CNTNAP2: variants seen among roughly 807,000 people sequenced by gnomAD.
CNTNAP2 encodes the protein contactin associated protein 2.
In CNTNAP2, 98 loss-of-function variants were observed where a neutral mutation model predicts 155.2. The observed-to-expected ratio is 0.63, with a 90% confidence interval of 0.54 to 0.75. CNTNAP2 has a LOEUF of 0.75. Ranked by LOEUF, CNTNAP2 falls within the 30% of genes least tolerant of loss-of-function variation. The pLI, the probability that CNTNAP2 is intolerant of heterozygous loss-of-function variation, is 0.00. For missense variants in CNTNAP2, 1,727 were observed against 1,688.1 expected, an observed-to-expected ratio of 1.02 and a Z score of -0.40; for synonymous variants, 651 against 631.2, an observed-to-expected ratio of 1.03 and a Z score of -0.47.
At chr7:147,910,619 G>A (rs367966115) in intron 14 of CNTNAP2, among the ~76,000 whole-genome samples, 65 of 152,272 alleles carry the variant, frequency 4.3e-4, no homozygotes, top group African/African-American at 1.4e-3. Flanking sequence ...CATGGATGGG[G>A]AGGCCTCACA....
At chr7:146,301,933 C>T (rs141134190) in intron 1 of CNTNAP2, among the ~76,000 whole-genome samples, 168 of 152,230 alleles carry the variant, frequency 1.1e-3, no homozygotes, top group African/African-American at 3.9e-3. Context: ...CCTCCCTCCT[C>T]ATTTCCAAAA....
At position 147,822,370 on chromosome 7, in the gene CNTNAP2, A is replaced by C. The variant is rs182013838; in HGVS notation, c.2099-81195A>C. ...GCAAATACATATCAAAAATTCTTAC[A>C]TGAAAAGCTCCTTTATAACAAGATG... On this transcript the variant is annotated intron_variant, in intron 13 of 23. Coordinates refer to ENST00000361727, the MANE Select transcript of CNTNAP2 (RefSeq NM_014141.6). 2.0e-5 allele frequency among the ~76,000 whole-genome samples: 3 copies of C among 152,296 alleles called. No homozygotes were observed. In the East Asian group the frequency reaches 5.8e-4, roughly 29 times the overall value.
At chr7:146,338,625 G>T (rs1171845205) in intron 1 of CNTNAP2, among the ~76,000 whole-genome samples, 1 of 152,008 alleles carries the variant, frequency 6.6e-6, no homozygotes, top group South Asian at 2.1e-4. Context: ...ACCCACTCAT[G>T]GCTCAACATT....
At chr7:146,523,715 T>C (rs1797648401) in intron 1 of CNTNAP2, among the ~76,000 whole-genome samples, 1 of 152,162 alleles carries the variant, frequency 6.6e-6, no homozygotes, top group African/African-American at 2.4e-5. Flanking sequence ...TGAATGCCTA[T>C]TGTTAAAGCT....
chr7:147,819,372 T>C (rs1798326601), intron 13 of CNTNAP2, among the ~76,000 whole-genome samples: 1 of 152,148 alleles, frequency 6.6e-6, no homozygotes, highest in African/African-American at 2.4e-5. Flanking sequence ...GGTCTACCAG[T>C]CAGTGCCCAT....
intron 12 of CNTNAP2, among the ~76,000 whole-genome samples, chr7:147,575,814 A>G (rs1800387534): frequency 6.6e-6 from 1 of 151,910 alleles, no homozygotes. Flanking sequence ...TATCTGCTGT[A>G]TGAGAGGTAA....
At chr7:146,429,193 T>C (rs962545337) in intron 1 of CNTNAP2, among the ~76,000 whole-genome samples, 8 of 152,046 alleles carry the variant, frequency 5.3e-5, no homozygotes, top group Non-Finnish European at 1.2e-4. Flanking sequence ...TTTTTGCTTG[T>C]GATTGTCTTG....
chr7:146,560,880 A>G (rs909399612), intron 1 of CNTNAP2, among the ~76,000 whole-genome samples: 1 of 152,062 alleles, frequency 6.6e-6, no homozygotes, highest in Admixed American at 6.5e-5. Context: ...ATTTCAATTC[A>G]AGGGACCTTG....
intron 1 of CNTNAP2, among the ~76,000 whole-genome samples, chr7:146,151,680 A>C: frequency 2.8e-5 from 1 of 35,540 alleles, no homozygotes; most frequent in East Asian, 8.8e-4. Flanking sequence ...ATATATATAT[A>C]TGTATATATA....
rs762578097 is a variant in CNTNAP2, at chr7:147,301,588, CTCTCTGTGTGTG to C, written c.1498+1300_1498+1311del. Among the ~76,000 whole-genome samples, 283 of 60,632 alleles carry C rather than the reference CTCTCTGTGTGTG, an allele frequency of 4.7e-3. 2 individuals are homozygous for C. The highest frequency in any genetic ancestry group is 0.02 in the African/African-American group (167 of 8,564). The allele number at this position is 60,632 out of a possible 152,430, so 39.8% of individuals were successfully genotyped here. ...TAGTTATATAGCTCTCTCTCTCTCT[CTCTCTGTGTGTG>C]TGTGTGTGTGTGTGTGTGTGTGTGT... On this transcript the variant is annotated intron_variant, in intron 9 of 23. Transcript: ENST00000361727.
At chr7:148,051,912 G>T (rs1457446110) in intron 15 of CNTNAP2, among the ~76,000 whole-genome samples, 2 of 152,122 alleles carry the variant, frequency 1.3e-5, no homozygotes, top group African/African-American at 4.8e-5. Flanking sequence ...GGCCGAGGCG[G>T]GTGGATCACG....
chr7:146,774,627 C>T (rs1404725881), intron 2 of CNTNAP2, among the ~76,000 whole-genome samples: 1 of 151,798 alleles, frequency 6.6e-6, no homozygotes, highest in Non-Finnish European at 1.5e-5. Flanking sequence ...TTTGAAGTTG[C>T]CTGGGATAAT....
At chr7:146,483,505 G>A (rs1797010376) in intron 1 of CNTNAP2, among the ~76,000 whole-genome samples, 1 of 149,846 alleles carries the variant, frequency 6.7e-6, no homozygotes, top group African/African-American at 2.4e-5. Context: ...TTGTGTGTGT[G>A]TGTGCGTGTG....
At chr7:147,523,534 T>C (rs1315610724) in intron 11 of CNTNAP2, among the ~76,000 whole-genome samples, 1 of 152,172 alleles carries the variant, frequency 6.6e-6, no homozygotes, top group Non-Finnish European at 1.5e-5. Flanking sequence ...CCTTCTTTCC[T>C]ACCTTGTCTG....
intron 13 of CNTNAP2, among the ~76,000 whole-genome samples, chr7:147,721,180 CT>C (rs1323425393): frequency 6.6e-6 from 1 of 151,538 alleles, no homozygotes; most frequent in Non-Finnish European, 1.5e-5. Flanking sequence ...AAAATCAGTG[CT>C]GGTTTCTATG....
intron 13 of CNTNAP2, among the ~76,000 whole-genome samples, chr7:147,658,784 T>C (rs1399339003): frequency 6.6e-6 from 1 of 152,208 alleles, no homozygotes; most frequent in East Asian, 1.9e-4. Flanking sequence ...TTTACTGTGC[T>C]TTCCCCTCCA....
chr7:147,205,864 G>A (rs1043485472), intron 8 of CNTNAP2, among the ~76,000 whole-genome samples: 1 of 151,966 alleles, frequency 6.6e-6, no homozygotes, highest in Admixed American at 6.6e-5. Context: ...TTAATTTATT[G>A]CATATTTCAA....
intron 12 of CNTNAP2, among the ~76,000 whole-genome samples, chr7:147,565,313 T>G (rs890103797): frequency 6.6e-6 from 1 of 151,556 alleles, no homozygotes; most frequent in African/African-American, 2.4e-5. Flanking sequence ...AGGGGAAAGG[T>G]GGGTGGGGGC....
At chr7:147,129,699 G>C (rs1373957266) in intron 7 of CNTNAP2, among the ~76,000 whole-genome samples, 1 of 152,136 alleles carries the variant, frequency 6.6e-6, no homozygotes, top group African/African-American at 2.4e-5. Flanking sequence ...AAAGAGCTCT[G>C]ATGGTCTCGT....
Sources: gnomAD v4.1 joint callset for allele counts (sites outside exome capture counted in the v4.1 genomes callset) on GRCh38, gnomAD v4.1.1 for gene constraint, MANE v1.5 for transcripts, NCBI Gene and HGNC (gene_info 2026-07-23, HGNC 2026-07-21) for gene names.